Variants in NRXN1 observed in about 807,000 individuals in gnomAD.
The protein encoded by NRXN1 is neurexin 1, also known as neurexin-1.
NRXN1 carries 39 observed loss-of-function variants against 150.9 expected under a neutral mutation model. That is an observed-to-expected ratio of 0.26 (90% CI 0.20 to 0.34). The LOEUF is 0.34. Among genes scored for constraint, NRXN1 ranks in the 10% least tolerant of loss-of-function variants. The pLI is 1.00. For synonymous variants in NRXN1, 924 were observed against 757.0 expected, an observed-to-expected ratio of 1.22 and a Z score of -3.62; for missense variants, 1,815 against 1,949.9, an observed-to-expected ratio of 0.93 and a Z score of 1.30.
At chr2:50,134,849 T>C (rs758275140) in intron 18 of NRXN1, among the ~76,000 whole-genome samples, 2 of 152,102 alleles carry the variant, frequency 1.3e-5, no homozygotes, top group Non-Finnish European at 2.9e-5. Context: ...CATTAGAAAA[T>C]CCTGAAATAG....
intron 17 of NRXN1, among the ~76,000 whole-genome samples, chr2:50,317,057 T>C (rs1221623856): frequency 6.6e-6 from 1 of 152,048 alleles, no homozygotes; most frequent in African/African-American, 2.4e-5. Flanking sequence ...GCCAATATCA[T>C]GTACTGAATG....
At chr2:50,865,468 A>G (rs1676748165) in intron 5 of NRXN1, among the ~76,000 whole-genome samples, 2 of 151,604 alleles carry the variant, frequency 1.3e-5, no homozygotes, top group African/African-American at 4.8e-5. Flanking sequence ...CCAGGATCAA[A>G]AAGGAAGAAC....
chr2:50,009,720 C>T (rs947528974), intron 21 of NRXN1, among the ~76,000 whole-genome samples: 14 of 152,064 alleles, frequency 9.2e-5, no homozygotes, highest in African/African-American at 3.4e-4. Flanking sequence ...TCATAATAGT[C>T]GCCTGACAAT....
intron 5 of NRXN1, among the ~76,000 whole-genome samples, chr2:50,857,002 C>G (rs1048987532): frequency 1.3e-5 from 2 of 152,018 alleles, no homozygotes; most frequent in Non-Finnish European, 2.9e-5. Flanking sequence ...CTATCAAGGG[C>G]CAGTATTCTA....
intron 17 of NRXN1, among the ~76,000 whole-genome samples, chr2:50,456,470 C>G (rs1183919607): frequency 1.3e-5 from 2 of 152,040 alleles, no homozygotes; most frequent in African/African-American, 4.8e-5. Context: ...GTAGAGAAGG[C>G]CATAATTCCT....
At chr2:50,800,801 C>T (rs1455193242) in intron 5 of NRXN1, among the ~76,000 whole-genome samples, 2 of 152,170 alleles carry the variant, frequency 1.3e-5, no homozygotes, top group Admixed American at 1.3e-4. Flanking sequence ...CCATCCGCCC[C>T]AGCCTCACAA....
intron 5 of NRXN1, among the ~76,000 whole-genome samples, chr2:50,831,397 G>A (rs1480090674): frequency 6.6e-6 from 1 of 152,124 alleles, no homozygotes; most frequent in East Asian, 1.9e-4. Context: ...ATGTAAACAT[G>A]TCTAATTCCC....
intron 17 of NRXN1, among the ~76,000 whole-genome samples, chr2:50,341,049 G>T (rs566703589): frequency 7.9e-5 from 12 of 151,884 alleles, no homozygotes; most frequent in South Asian, 2.1e-4. Flanking sequence ...ATGAATTAGT[G>T]CAGGCTTTCC....
At chr2:51,008,305 G>C (rs1667340289) in intron 2 of NRXN1, among the ~76,000 whole-genome samples, 1 of 151,876 alleles carries the variant, frequency 6.6e-6, no homozygotes, top group Admixed American at 6.6e-5. Context: ...TTGTGTATAT[G>C]ACTCCATAGA....
intron 18 of NRXN1, among the ~76,000 whole-genome samples, chr2:50,099,449 A>G (rs555879914): frequency 1.3e-5 from 2 of 152,218 alleles, no homozygotes; most frequent in African/African-American, 4.8e-5. Flanking sequence ...TATATTCACA[A>G]GGTTGTGCAA....
At chr2:50,825,704 G>C (rs1001384910) in intron 5 of NRXN1, among the ~76,000 whole-genome samples, 3 of 152,154 alleles carry the variant, frequency 2.0e-5, no homozygotes, top group African/African-American at 7.2e-5. Context: ...AGCTGCTCTC[G>C]CAAATTAATG....
At chr2:50,558,001 G>T (rs986902053) in intron 8 of NRXN1, among the ~76,000 whole-genome samples, 1 of 152,122 alleles carries the variant, frequency 6.6e-6, no homozygotes, top group African/African-American at 2.4e-5. Context: ...TAACCTAGGA[G>T]TTGTATTTTC....
chr2:50,424,387 G>A (rs1483121041), intron 17 of NRXN1, among the ~76,000 whole-genome samples: 1 of 150,734 alleles, frequency 6.6e-6, no homozygotes, highest in Non-Finnish European at 1.5e-5. Context: ...GATTTAAGAG[G>A]AGAAATGTTT....
chr2:50,759,585 T>C (rs1047684842), intron 5 of NRXN1, among the ~76,000 whole-genome samples: 5 of 151,834 alleles, frequency 3.3e-5, no homozygotes, highest in African/African-American at 1.2e-4. Flanking sequence ...GCATTGAAAA[T>C]AATGCATGCT....
intron 5 of NRXN1, among the ~76,000 whole-genome samples, chr2:50,731,663 A>G (rs1035006600): frequency 3.3e-5 from 5 of 152,202 alleles, no homozygotes; most frequent in Non-Finnish European, 5.9e-5. Flanking sequence ...TCTCTGATCT[A>G]TTGTGTCAGA....
chr2:50,371,343 T>C (rs972154678), intron 17 of NRXN1, among the ~76,000 whole-genome samples: 1 of 152,080 alleles, frequency 6.6e-6, no homozygotes, highest in Non-Finnish European at 1.5e-5. Flanking sequence ...GCCTCTCTTC[T>C]TTAGGCTTCA....
intron 5 of NRXN1, among the ~76,000 whole-genome samples, chr2:50,638,970 A>G (rs1683641114): frequency 6.6e-6 from 1 of 152,110 alleles, no homozygotes; most frequent in African/African-American, 2.4e-5. Context: ...TGTGATAGGA[A>G]TAGAAATTCT....
Position 50,482,739 on chromosome 2 carries a change from T to G in NRXN1, c.3071-10268A>C, listed in dbSNP as rs371664677. Among the ~76,000 whole-genome samples, 24 of 152,180 alleles carry G rather than the reference T, an allele frequency of 1.6e-4. No individual in the cohort carries two copies. The South Asian group carries it at 1.9e-3, about 12-fold the overall frequency. ...AAGGTTAGATGTTCTTAGTAACATA[T>G]GAGATAGGAGGTCCACATAAGATAC... is the stretch of plus-strand genomic sequence containing the variant. On this transcript the variant is annotated intron_variant, in intron 15 of 22. Coordinates refer to ENST00000401669, the MANE Select transcript of NRXN1 (RefSeq NM_001330078.2).
At chr2:50,706,439 C>T (rs1166286990) in intron 5 of NRXN1, among the ~76,000 whole-genome samples, 1 of 152,154 alleles carries the variant, frequency 6.6e-6, no homozygotes, top group East Asian at 1.9e-4. Flanking sequence ...AGTAAATAAC[C>T]TGAGCTTATT....
Sources: gnomAD v4.1 joint callset for allele counts (sites outside exome capture counted in the v4.1 genomes callset) on GRCh38, gnomAD v4.1.1 for gene constraint, MANE v1.5 for transcripts, NCBI Gene and HGNC (gene_info 2026-07-23, HGNC 2026-07-21) for gene names.